ACAT1: variants seen among roughly 807,000 people sequenced by gnomAD.
ACAT1 encodes the protein acetyl-CoA acetyltransferase 1.
In ACAT1, 28 loss-of-function variants were observed where a neutral mutation model predicts 47.3. The observed-to-expected ratio is 0.59, with a 90% CI of 0.44 to 0.81. ACAT1 has a LOEUF of 0.81. ACAT1 is among the 30% of genes least tolerant of loss of function. The pLI is 0.00. For missense variants in ACAT1, 469 were observed against 524.3 expected (o/e 0.89, Z 1.03); for synonymous variants, 181 against 173.6 (o/e 1.04, Z -0.34).
intron 11 of ACAT1, 34 bp from the exon 12 acceptor site, chr11:108,147,236 T>C: frequency 6.2e-7 from 1 of 1,611,950 alleles, no homozygotes; most frequent in Non-Finnish European, 8.5e-7. Context: ...AATTCTGTAC[T>C]TCATTAAAGA....
rs141740566 is a variant in ACAT1 at position 108,135,497 on chromosome 11, G to A, written c.435+255G>A. Among the ~76,000 whole-genome samples the A allele has an allele frequency of 3.4e-4, 52 of 151,696 alleles. 1 individual carries two copies. Among genetic ancestry groups the A allele is most frequent in the African/African-American group, 1.2e-3 (48 of 41,328 alleles). On this transcript the variant is annotated intron_variant, in intron 5 of 11. Coordinates refer to ENST00000265838, the MANE Select transcript of ACAT1 (RefSeq NM_000019.4). ...AGGATCCCAGGAGTTTGAGACCAGC[G>A]TAGGCAACATAGCAAGCGAGACTCT...
rs768642780 is a variant in ACAT1 at position 108,138,990 on chromosome 11, A to C, written c.528A>C (p.Glu176Asp). The change falls in exon 6 of 12, where the codon GAA becomes GAC. Residue 176 changes from glutamate (E) to aspartate (D), a missense_variant. Transcript: ENST00000265838. ...CACCATATGGTGGGGTAAAGCTTGA[A>C]GATTTGATTGTAAAAGACGGGCTAA... ...GSTPYGGVKL[E>D]DLIVKDGLTD... The C allele has an allele frequency of 2.5e-6, 4 of 1,614,238 alleles. No homozygotes were observed. In the South Asian group the frequency reaches 4.4e-5, roughly 18 times the overall value.
rs887623219 is a variant in ACAT1, at chr11:108,132,871, A to G, written c.120+917A>G. Among the ~76,000 whole-genome samples the G allele has an allele frequency of 6.1e-5, 9 of 147,508 alleles. 1 individual carries two copies. Among genetic ancestry groups the G allele is most frequent in the Admixed American group, 1.3e-4 (2 of 14,876 alleles). On this transcript the variant is annotated intron_variant, in intron 2 of 11. Transcript: ENST00000265838. ...TCCATCTCAAAAAAAAAAAAAAAAA[A>G]AAAAAAAAAAGAAAAAAGAAATTAT...
In ACAT1 at chr11:108,133,877, T is replaced by G; in HGVS notation, c.178T>G (p.Ser60Ala). 1.2e-6 allele frequency: 2 copies of G among 1,614,166 alleles called. No individual in the cohort carries two copies. Among genetic ancestry groups the G allele is most frequent in the Non-Finnish European group, 1.7e-6 (2 of 1,180,026 alleles). Residue 60 changes from serine (S) to alanine (A), a missense_variant, in exon 3 of 12, where the codon TCC (serine) becomes GCC (alanine). Coordinates refer to ENST00000265838, the MANE Select transcript of ACAT1 (RefSeq NM_000019.4). ...CATTGGATCTTTTTTAGGCAGCCTT[T>G]CCTTGCTGCCAGCCACTAAGCTTGG... ...TPIGSFLGSL[S>A]LLPATKLGSI...
chr11:108,140,571 T>C (rs772233613), intron 7 of ACAT1, among the ~76,000 whole-genome samples: 4 of 152,212 alleles, frequency 2.6e-5, no homozygotes, highest in Non-Finnish European at 5.9e-5. Flanking sequence ...ACTTCAGGGA[T>C]TGGAACTGGG....
chr11:108,124,116 TTGTC>T (rs1343290772), intron 1 of ACAT1, among the ~76,000 whole-genome samples: 5 of 152,210 alleles, frequency 3.3e-5, no homozygotes, highest in African/African-American at 4.8e-5. Context: ...CCAGAATAAT[TTGTC>T]TGTCTGTCTG....
At chr11:108,134,675 G>A (rs2077430353) in intron 4 of ACAT1, among the ~76,000 whole-genome samples, 1 of 147,974 alleles carries the variant, frequency 6.8e-6, no homozygotes, top group Non-Finnish European at 1.5e-5. Context: ...GCTGGGCATG[G>A]TAGCTCACGC....
chr11:108,135,944 G>A (rs2077460209), intron 5 of ACAT1: 1 of 432,774 alleles, frequency 2.3e-6, no homozygotes, highest in Non-Finnish European at 4.1e-6. Flanking sequence ...AGGAGAACAC[G>A]GTGCTTAACC....
chr11:108,121,215 AAAT>A, upstream of ACAT1: 1 of 296,714 alleles, frequency 3.4e-6, no homozygotes. Context: ...AAAAAAAAAA[AAAT>A]CCTAAAATAT....
At chr11:108,127,369 A>G (rs573990854) in intron 1 of ACAT1, among the ~76,000 whole-genome samples, 21 of 150,048 alleles carry the variant, frequency 1.4e-4, no homozygotes, top group Non-Finnish European at 3.0e-4. Context: ...GGTTCACACC[A>G]TTCTCCCACC....
In ACAT1 at chr11:108,147,582, T is replaced by TTTTTCTTGGTAACCTTGAAAA. The variant is rs2077747746; in HGVS notation, c.*193_*213dup. On this transcript the variant is annotated 3_prime_UTR_variant, in exon 12 of 12. Transcript: ENST00000265838. The stretch of plus-strand genomic sequence containing the variant: ...TTAAAAATAAATTTCTTCTTCTGCT[T>TTTTTCTTGGTAACCTTGAAAA]TTTTCTTGGTAACCTTGAAAAGTTT... 1.3e-6 allele frequency: 1 copy of TTTTTCTTGGTAACCTTGAAAA among 744,252 alleles called. No individual in the cohort carries two copies. Among genetic ancestry groups the TTTTTCTTGGTAACCTTGAAAA allele is most frequent in the African/African-American group, 1.8e-5 (1 of 55,538 alleles). 46.1% of individuals were successfully genotyped at this position (744,252 alleles called of 1,614,324 possible).
At chr11:108,131,885 A>G in intron 1 of ACAT1, 22 bp from the exon 2 acceptor site, 2 of 1,153,608 alleles carry the variant, frequency 1.7e-6, no homozygotes, top group South Asian at 1.6e-5. Flanking sequence ...ACATTATAAC[A>G]TTATAAATAT....
upstream of ACAT1, among the ~76,000 whole-genome samples, chr11:108,118,810 C>A (rs1255521290): frequency 6.6e-6 from 1 of 152,226 alleles, no homozygotes; most frequent in African/African-American, 2.4e-5. Context: ...ATGTACTATT[C>A]TTCTCCCCTC....
chr11:108,123,039 A>G (rs1201445120), intron 1 of ACAT1, among the ~76,000 whole-genome samples: 2 of 151,698 alleles, frequency 1.3e-5, no homozygotes, highest in Non-Finnish European at 2.9e-5. Flanking sequence ...AGCCTGGCCA[A>G]CGTGGTGAAG....
chr11:108,146,510 A>G (rs1268445899), intron 11 of ACAT1, 151 bp downstream of exon 11: 3 of 762,090 alleles, frequency 3.9e-6, no homozygotes, highest in African/African-American at 3.5e-5. Flanking sequence ...ATGGTATCCA[A>G]TACTGAACAG....
At chr11:108,142,648 G>C in intron 9 of ACAT1, 98 bp downstream of exon 9, 1 of 924,458 alleles carries the variant, frequency 1.1e-6, no homozygotes, top group Non-Finnish European at 1.7e-6. Context: ...ATCAGCCTGG[G>C]CAATATAGTG....
intron 1 of ACAT1, among the ~76,000 whole-genome samples, chr11:108,130,746 A>C (rs567428059): frequency 1.3e-5 from 2 of 149,884 alleles, no homozygotes; most frequent in Admixed American, 6.7e-5. Flanking sequence ...GCGTTGTCAG[A>C]ATTAATTAAT....
intron 1 of ACAT1, among the ~76,000 whole-genome samples, chr11:108,131,470 G>A (rs905597283): frequency 9.4e-5 from 14 of 148,298 alleles, no homozygotes; most frequent in African/African-American, 3.5e-4. Flanking sequence ...TCCTGCCTCA[G>A]CCTCTGAAGT....
chr11:108,136,884 A>G (rs1055059925), intron 5 of ACAT1: 1 of 152,150 alleles, frequency 6.6e-6, no homozygotes, highest in African/African-American at 2.4e-5. Flanking sequence ...CTGTAAGAAG[A>G]TATTATTGGC....
Sources: allele counts gnomAD v4.1 joint callset (sites outside exome capture counted in the v4.1 genomes callset), GRCh38; gene constraint gnomAD v4.1.1; transcripts MANE v1.5; gene names NCBI Gene and HGNC (gene_info 2026-07-23, HGNC 2026-07-21).